SLC12A9: variants seen among roughly 807,000 people sequenced by gnomAD.
SLC12A9 encodes CCC-interacting protein 1.
SLC12A9 carries 55 observed loss-of-function variants against 66.0 expected under a neutral mutation model. The ratio of observed to expected loss-of-function variants is 0.83; its 90% CI spans 0.67 to 1.04. The LOEUF (loss-of-function observed/expected upper bound fraction) is 1.04. Among genes scored for constraint, SLC12A9 ranks in the 50% least tolerant of loss-of-function variants. SLC12A9 has a pLI of 0.00. For missense variants in SLC12A9, 1,061 were observed against 1,241.9 expected (o/e 0.85, Z 2.19); for synonymous variants, 577 against 569.0 (o/e 1.01, Z -0.20).
intron 1 of SLC12A9, among the ~76,000 whole-genome samples, chr7:100,832,761 A>C (rs1813566660): frequency 6.6e-6 from 1 of 152,050 alleles, no homozygotes; most frequent in African/African-American, 2.4e-5. Flanking sequence ...CTCTCAATCC[A>C]AAGATTTTAT....
chr7:100,860,996 C>A, intron 9 of SLC12A9, 142 bp from the exon 10 acceptor site: 2 of 1,447,842 alleles, frequency 1.4e-6, no homozygotes, highest in Non-Finnish European at 1.9e-6. Context: ...TTTGGGGGTG[C>A]ACTGGCACTT....
chr7:100,833,214 T>G (rs1016781655), intron 1 of SLC12A9, among the ~76,000 whole-genome samples: 36 of 151,994 alleles, frequency 2.4e-4, no homozygotes, highest in Non-Finnish European at 4.6e-4. Context: ...CTGGGCGCAG[T>G]GGCTCACACC....
At chr7:100,852,934 G>T (rs569016113) in intron 1 of SLC12A9, 99 bp downstream of exon 1, 2 of 152,322 alleles carry the variant, frequency 1.3e-5, no homozygotes, top group African/African-American at 4.8e-5. Flanking sequence ...GCGCAAAGGG[G>T]CAGGAGCCCG....
upstream of SLC12A9, among the ~76,000 whole-genome samples, chr7:100,849,479 GCTGAGGTGGGTGGATCAA>G (rs1814008849): frequency 6.6e-6 from 1 of 151,856 alleles, no homozygotes. Flanking sequence ...ACTTTGGGAG[GCTGAGGTGGGTGGATCAA>G]CTGAGGGCAG....
In SLC12A9 at chr7:100,865,306, C is replaced by A. The variant is rs535491182; in HGVS notation, c.1859-413C>A. 5.2e-5 allele frequency: 80 copies of A among 1,535,820 alleles called. No homozygotes were observed. In the East Asian group the frequency reaches 1.9e-3, roughly 37 times the overall value. ...TTGCAGAGTCTGGGACGCTATTACC[C>A]TGGGGATTCAGGTCATGAGCTTGGC... is the stretch of plus-strand genomic sequence containing the variant. On this transcript the variant is annotated intron_variant, in intron 13 of 13. Transcript: ENST00000354161.
Position 100,861,964 on chromosome 7 carries a change from T to TA in SLC12A9, c.1711+53_1711+54insA. The TA allele has an allele frequency of 3.3e-5, 10 of 299,964 alleles. No individual in the cohort carries two copies. Among genetic ancestry groups the TA allele is most frequent in the Non-Finnish European group, 4.7e-5 (9 of 193,516 alleles). The allele number at this position is 299,964 out of a possible 1,614,324, so 18.6% of individuals were successfully genotyped here. A position where few individuals can be genotyped will look rare whatever the true frequency, so the allele number is the denominator to read the frequency against. On this transcript the variant is annotated intron_variant, in intron 12 of 13. Transcript: ENST00000354161. This position sits in a 1 kb window ranked among gnomAD's most constrained non-coding sequence, Gnocchi z 5.3. ...ACTCCCATCCTTCTCTCCCCCTACCTTTTTTTTTTTTTTGAGATGGAGCTT... is the reference window on the plus strand; with the variant it reads ...ACTCCCATCCTTCTCTCCCCCTACCTATTTTTTTTTTTTTGAGATGGAGCTT...
At chr7:100,850,994 A>G (rs534463425), upstream of SLC12A9, among the ~76,000 whole-genome samples, 1 of 151,986 alleles carries the variant, frequency 6.6e-6, no homozygotes, top group Non-Finnish European at 1.5e-5. Context: ...CTGGGATTAC[A>G]GGCGTGAGCC....
At chr7:100,845,114 A>G (rs1813879154) in intron 1 of SLC12A9, among the ~76,000 whole-genome samples, 1 of 151,752 alleles carries the variant, frequency 6.6e-6, no homozygotes, top group Admixed American at 6.6e-5. Context: ...CTGTATAGCA[A>G]AAGTGGAGAA....
At position 100,847,372 on chromosome 7, in the gene SLC12A9, A is replaced by G. The variant is rs146610740; in HGVS notation, n.229-12513A>G. ...ACTGTAGTTGGTGAGTCAGGCCATC[A>G]TATTTACAGATGTGGCCTTTGGCTT... On this transcript the variant is annotated intron_variant and non_coding_transcript_variant, in intron 1 of 1. Coordinates refer to the SLC12A9 transcript ENST00000461016. 3.9e-3 allele frequency among the ~76,000 whole-genome samples: 591 copies of G among 152,366 alleles called. 4 individuals are homozygous for G. The highest frequency in any genetic ancestry group is 0.014 in the African/African-American group (575 of 41,592).
chr7:100,857,309 T>C (rs1447618767), intron 5 of SLC12A9, 133 bp downstream of exon 5: 17 of 1,004,270 alleles, frequency 1.7e-5, no homozygotes, highest in Non-Finnish European at 2.5e-5. Context: ...TGCAGAGCAG[T>C]GCAATTTAAT....
intron 1 of SLC12A9, among the ~76,000 whole-genome samples, chr7:100,830,490 A>C (rs1813523520): frequency 6.6e-6 from 1 of 152,074 alleles, no homozygotes; most frequent in Admixed American, 6.6e-5. Flanking sequence ...CCTGAACAAC[A>C]TAGCGAGACC....
Position 100,861,841 on chromosome 7 carries a change from G to A in SLC12A9, c.1641G>A (p.Leu547=). The change falls in exon 12 of 14, where the codon CTG becomes CTA. Residue 547 remains leucine (L), a synonymous_variant. Transcript: ENST00000354161. The surrounding 1 kb of genome is among the most constrained non-coding windows in gnomAD (Gnocchi z 5.3). ...GGAACCCCCGGGGCGCCCTGCCTCT[G>A]CTGCGGTTGGCCAACCAGCTTAAGA... ...LVGNPRGALP[L]LRLANQLKKG... 1 of 1,614,036 alleles carries A rather than the reference G, an allele frequency of 6.2e-7. No individual in the cohort carries two copies. The highest frequency in any genetic ancestry group is 8.5e-7 in the Non-Finnish European group (1 of 1,179,982).
rs1293829528 is a variant in SLC12A9, at chr7:100,852,821, C to G, written c.-57C>G. On this transcript the variant is annotated 5_prime_UTR_variant, in exon 1 of 14. Transcript: ENST00000354161. ...CCGGCTCGCGGGGATCGCCCCCGAG[C>G]GCTGCGTCCTGCGGGTGGGTGAGTG... 6.6e-6 allele frequency: 1 copy of G among 152,294 alleles called. No individual in the cohort carries two copies. Among genetic ancestry groups the G allele is most frequent in the African/African-American group, 2.4e-5 (1 of 41,458 alleles). The allele number at this position is 152,294 out of a possible 1,614,324, so 9.4% of individuals were successfully genotyped here. A position where few individuals can be genotyped will look rare whatever the true frequency, so the allele number is the denominator to read the frequency against.
chr7:100,866,683 G>A lies in SLC12A9; in HGVS notation c.*78G>A. 1 of 1,382,768 alleles carries A rather than the reference G, an allele frequency of 7.2e-7. No homozygotes were observed. Among genetic ancestry groups the A allele is most frequent in the South Asian group, 1.5e-5 (1 of 64,934 alleles). The allele number at this position is 1,382,768 out of a possible 1,614,324, so 85.7% of individuals were successfully genotyped here. A position where few individuals can be genotyped will look rare whatever the true frequency, so the allele number is the denominator to read the frequency against. ...GATCCTTGGAGGAGGAGGAAGAGGA[G>A]GCCACTGTGGCCCGTGGCCCTGCCC... is the stretch of plus-strand genomic sequence containing the variant. On this transcript the variant is annotated 3_prime_UTR_variant, in exon 14 of 14. Transcript: ENST00000354161. This position sits in a 1 kb window ranked among gnomAD's most constrained non-coding sequence, Gnocchi z 7.3.
chr7:100,837,870 T>G (rs1173869431), intron 1 of SLC12A9, among the ~76,000 whole-genome samples: 3 of 140,498 alleles, frequency 2.1e-5, no homozygotes, highest in African/African-American at 5.3e-5. Context: ...TTTTTTTTTT[T>G]TTTTTTTTGA....
Position 100,861,350 on chromosome 7 carries a change from C to G in SLC12A9, c.1344-42C>G. ...CTGGGGACTGCAGCCTCGTGTGCGG[C>G]CTGCCCTGAGTTTCTGTCCCTCCTC... On this transcript the variant is annotated intron_variant, in intron 10 of 13. Coordinates refer to ENST00000354161, the MANE Select transcript of SLC12A9 (RefSeq NM_020246.4). This position sits in a 1 kb window ranked among gnomAD's most constrained non-coding sequence, Gnocchi z 5.3. 1 of 1,611,518 alleles carries G rather than the reference C, an allele frequency of 6.2e-7. No individual in the cohort carries two copies. The highest frequency in any genetic ancestry group is 8.5e-7 in the Non-Finnish European group (1 of 1,178,144).
At chr7:100,830,499 C>A (rs763117272) in intron 1 of SLC12A9, among the ~76,000 whole-genome samples, 1 of 151,862 alleles carries the variant, frequency 6.6e-6, no homozygotes, top group Non-Finnish European at 1.5e-5. Context: ...CATAGCGAGA[C>A]CCTGTCTACA....
At chr7:100,838,021 T>C (rs1470786050) in intron 1 of SLC12A9, among the ~76,000 whole-genome samples, 2 of 151,910 alleles carry the variant, frequency 1.3e-5, no homozygotes, top group Non-Finnish European at 2.9e-5. Context: ...CTACCATGCC[T>C]GGCTAATTTT....
intron 4 of SLC12A9, chr7:100,856,487 C>A (rs1411495192): frequency 1.1e-5 from 2 of 180,364 alleles, no homozygotes; most frequent in East Asian, 3.0e-4. Context: ...GGATTACAGG[C>A]GTGAGCCCCG....
Sources: gnomAD v4.1 joint callset for allele counts (sites outside exome capture counted in the v4.1 genomes callset) on GRCh38, gnomAD v4.1.1 for gene constraint, Gnocchi (gnomAD v3.1) non-coding constraint, MANE v1.5 for transcripts, NCBI Gene and HGNC (gene_info 2026-07-23, HGNC 2026-07-21) for gene names.